Variants in SOAT1 observed in about 807,000 individuals in gnomAD.
SOAT1 encodes sterol O-acyltransferase 1, also known as acyl-coenzyme A:cholesterol acyltransferase 1.
SOAT1 carries 55 observed loss-of-function variants against 69.5 expected under a neutral mutation model. The observed-to-expected ratio is 0.79, with a 90% CI of 0.64 to 0.99. SOAT1 has a LOEUF of 0.99. SOAT1 is among the 50% of genes least tolerant of loss of function. The probability of loss-of-function intolerance (pLI) is 0.00; values close to 1 mark genes in which losing one functional copy is unlikely to be tolerated. For synonymous variants in SOAT1, 231 were observed against 224.7 expected (o/e 1.03, Z -0.25); for missense variants, 580 against 669.3 (o/e 0.87, Z 1.47).
intron 4 of SOAT1, among the ~76,000 whole-genome samples, chr1:179,336,420 G>C (rs1666156001): frequency 7.1e-6 from 1 of 140,858 alleles, no homozygotes. Flanking sequence ...GTTGTAGTGA[G>C]CCAAGATCAT....
intron 2 of SOAT1, among the ~76,000 whole-genome samples, chr1:179,304,057 G>T (rs1283055550): frequency 6.6e-6 from 1 of 152,198 alleles, no homozygotes; most frequent in Non-Finnish European, 1.5e-5. Flanking sequence ...AGTCAGTCCA[G>T]GTTTTAGTGC....
chr1:179,343,681 A>C (rs745580755), intron 10 of SOAT1, 46 bp downstream of exon 10: 5 of 1,311,058 alleles, frequency 3.8e-6, no homozygotes, highest in Non-Finnish European at 1.1e-6. Context: ...GGGGATGGGG[A>C]TTCATATTTA....
At chr1:179,343,460 C>T in intron 9 of SOAT1, 130 bp from the exon 10 acceptor site, 1 of 655,976 alleles carries the variant, frequency 1.5e-6, no homozygotes. Flanking sequence ...CTCCTGGTCA[C>T]TGCCTTCCAA....
intron 3 of SOAT1, among the ~76,000 whole-genome samples, chr1:179,329,046 CA>C (rs3046366): frequency 7.9e-4 from 103 of 130,600 alleles, no homozygotes; most frequent in African/African-American, 7.9e-4. Flanking sequence ...ACTTTGTCTT[CA>C]AAAAAAAAAA....
intron 3 of SOAT1, among the ~76,000 whole-genome samples, chr1:179,332,068 G>T (rs1408386312): frequency 6.6e-6 from 1 of 151,864 alleles, no homozygotes; most frequent in Non-Finnish European, 1.5e-5. Context: ...TTTTCTTTCA[G>T]CATACTTTAA....
Position 179,353,787 on chromosome 1 carries a change from T to C in SOAT1, c.*146T>C. The C allele has an allele frequency of 1.4e-6, 1 of 709,198 alleles. No individual in the cohort carries two copies. 43.9% of individuals were successfully genotyped at this position (709,198 alleles called of 1,614,324 possible). On this transcript the variant is annotated 3_prime_UTR_variant, in exon 16 of 16. Transcript: ENST00000367619. ...ATGACTCACTCCATTCCTAGGTCAC[T>C]TGAAGCCAAACTGTTGGAAGTTCAC...
chr1:179,299,205 G>C (rs116808711), intron 1 of SOAT1, among the ~76,000 whole-genome samples: 1 of 152,168 alleles, frequency 6.6e-6, no homozygotes, highest in Non-Finnish European at 1.5e-5. Flanking sequence ...CGATTAGAGG[G>C]CAGGTTGTAG....
At chr1:179,299,628 T>TA (rs926038669) in intron 1 of SOAT1, among the ~76,000 whole-genome samples, 4 of 151,014 alleles carry the variant, frequency 2.6e-5, no homozygotes, top group East Asian at 1.9e-4. Context: ...ACATAAGCAC[T>TA]AAAAAAAATC....
At chr1:179,345,991 A>C (rs1666521201) in intron 11 of SOAT1, among the ~76,000 whole-genome samples, 1 of 152,214 alleles carries the variant, frequency 6.6e-6, no homozygotes, top group Non-Finnish European at 1.5e-5. Context: ...AGAAGTGAAC[A>C]AGAGATGTAT....
At chr1:179,325,448 G>A (rs374825160) in intron 3 of SOAT1, among the ~76,000 whole-genome samples, 3 of 152,072 alleles carry the variant, frequency 2.0e-5, no homozygotes, top group Admixed American at 6.6e-5. Context: ...TACCACGCTC[G>A]GCCTAAAATA....
At chr1:179,302,833 T>A in intron 2 of SOAT1, 31 bp downstream of exon 2, 1 of 1,196,934 alleles carries the variant, frequency 8.4e-7, no homozygotes, top group Non-Finnish European at 1.2e-6. Flanking sequence ...TTTAGGTGAA[T>A]TAGTGAAATA....
chr1:179,337,945 T>C (rs1183700780), intron 5 of SOAT1, 49 bp downstream of exon 5: 1 of 1,324,450 alleles, frequency 7.6e-7, no homozygotes, highest in Non-Finnish European at 1.1e-6. Context: ...TAAAAAACTA[T>C]TCTGATAGAA....
chr1:179,350,011 GT>G (rs1311194310), intron 13 of SOAT1, among the ~76,000 whole-genome samples: 1 of 152,042 alleles, frequency 6.6e-6, no homozygotes, highest in African/African-American at 2.4e-5. Context: ...AATTCAATAT[GT>G]TTCATTTATA....
At chr1:179,305,517 G>T (rs142402280) in intron 2 of SOAT1, among the ~76,000 whole-genome samples, 1 of 151,942 alleles carries the variant, frequency 6.6e-6, no homozygotes, top group Non-Finnish European at 1.5e-5. Context: ...TACAATGATT[G>T]GCTATTATGA....
intron 2 of SOAT1, among the ~76,000 whole-genome samples, chr1:179,309,697 G>A (rs1013909335): frequency 1.3e-5 from 2 of 151,350 alleles, no homozygotes; most frequent in Admixed American, 6.6e-5. Flanking sequence ...TTCCTTATCT[G>A]GTGGTTATTA....
chr1:179,295,895 G>T (rs1664616351), intron 1 of SOAT1, among the ~76,000 whole-genome samples: 1 of 63,738 alleles, frequency 1.6e-5, no homozygotes, highest in Non-Finnish European at 3.3e-5. Flanking sequence ...CCGCCTCCCG[G>T]GTTCAAGCGA....
At chr1:179,299,387 A>G (rs993822868) in intron 1 of SOAT1, among the ~76,000 whole-genome samples, 2 of 152,238 alleles carry the variant, frequency 1.3e-5, no homozygotes, top group African/African-American at 4.8e-5. Context: ...CTAGAGGTAC[A>G]TAATAGGTGC....
intron 12 of SOAT1, among the ~76,000 whole-genome samples, 200 bp downstream of exon 12, chr1:179,347,897 A>G (rs1666590931): frequency 6.6e-6 from 1 of 152,188 alleles, no homozygotes; most frequent in Non-Finnish European, 1.5e-5. Flanking sequence ...TTCTGTCTCT[A>G]ATATCTGCTC....
chr1:179,340,938 A>G, intron 6 of SOAT1, 90 bp from the exon 7 acceptor site: 1 of 1,187,138 alleles, frequency 8.4e-7, no homozygotes. Context: ...TAAGGTTGAA[A>G]GTTTGGTGTT....
Sources: allele counts gnomAD v4.1 joint callset (sites outside exome capture counted in the v4.1 genomes callset), GRCh38; gene constraint gnomAD v4.1.1; transcripts MANE v1.5; gene names NCBI Gene and HGNC (gene_info 2026-07-23, HGNC 2026-07-21).